Variants in CLCN6 observed in about 807,000 individuals in gnomAD.
The protein encoded by CLCN6 is Cl-/H+ antiporter 6, also known as H(+)/Cl(-) exchange transporter 6.
In CLCN6, 70 loss-of-function variants were observed where a neutral mutation model predicts 109.8. That is an observed-to-expected ratio of 0.64 (90% CI 0.53 to 0.78). CLCN6 has a LOEUF of 0.78. CLCN6 is among the 30% of genes least tolerant of loss of function. The pLI, the probability that CLCN6 is intolerant of heterozygous loss-of-function variation, is 0.00. For synonymous variants in CLCN6, 444 were observed against 447.8 expected (o/e 0.99, Z 0.11); for missense variants, 984 against 1,142.3 (o/e 0.86, Z 2.00).
At chr1:11,831,136 T>C (rs1468863375) in intron 13 of CLCN6, among the ~76,000 whole-genome samples, 5 of 150,482 alleles carry the variant, frequency 3.3e-5, no homozygotes, top group African/African-American at 1.2e-4. Context: ...CAGCCTGGTT[T>C]ATATATATAT....
intron 2 of CLCN6, among the ~76,000 whole-genome samples, chr1:11,812,247 T>A (rs1644608097): frequency 6.6e-6 from 1 of 152,146 alleles, no homozygotes; most frequent in Admixed American, 6.5e-5. Context: ...CTACTTACAT[T>A]TGCTAGTTTA....
intron 12 of CLCN6, 72 bp from the exon 13 acceptor site, chr1:11,829,124 G>C: frequency 6.3e-7 from 1 of 1,578,578 alleles, no homozygotes; most frequent in Non-Finnish European, 8.6e-7. Context: ...GGGGTAGGCA[G>C]GGTTATGTTT....
In CLCN6 at chr1:11,815,821, T is replaced by C. The variant is rs1644662268; in HGVS notation, c.148-25T>C. The C allele has an allele frequency of 1.9e-6, 3 of 1,606,066 alleles. No individual in the cohort carries two copies. The East Asian group carries it at 6.7e-5, about 36-fold the overall frequency. On this transcript the variant is annotated intron_variant, in intron 2 of 22. Coordinates refer to ENST00000346436, the MANE Select transcript of CLCN6 (RefSeq NM_001286.5). ...AGGTCTTCTCACCTGACATGACCTT[T>C]TGACTCAACTTTGCCTCTTTTCAGA...
intron 13 of CLCN6, 107 bp downstream of exon 13, chr1:11,829,429 C>A: frequency 7.6e-7 from 1 of 1,320,356 alleles, no homozygotes; most frequent in Non-Finnish European, 1.1e-6. Flanking sequence ...TTCATCCTTC[C>A]ACACCCATTA....
intron 13 of CLCN6, among the ~76,000 whole-genome samples, chr1:11,832,634 G>A (rs1281376026): frequency 6.6e-6 from 1 of 152,236 alleles, no homozygotes; most frequent in Non-Finnish European, 1.5e-5. Context: ...CCCTGGTATT[G>A]TTAGCACGTC....
At chr1:11,833,786 G>A in intron 14 of CLCN6, 91 bp from the exon 15 acceptor site, 1 of 1,559,558 alleles carries the variant, frequency 6.4e-7, no homozygotes, top group Non-Finnish European at 8.7e-7. Context: ...GTTGGAAGGG[G>A]AACTGGTATG....
At chr1:11,828,914 A>G (rs535833217) in intron 12 of CLCN6, among the ~76,000 whole-genome samples, 97 of 152,360 alleles carry the variant, frequency 6.4e-4, no homozygotes, top group African/African-American at 2.2e-3. Context: ...GCTTGCTCTC[A>G]GGAGGCTTCT....
In CLCN6 at chr1:11,815,798, G is replaced by T. The variant is rs938930803; in HGVS notation, c.148-48G>T. On this transcript the variant is annotated intron_variant, in intron 2 of 22. Coordinates refer to ENST00000346436, the MANE Select transcript of CLCN6 (RefSeq NM_001286.5). ...AACCCAGAGGTTTGTCCCTTTGCAG[G>T]TCTTCTCACCTGACATGACCTTTTG... 5 of 1,469,842 alleles carry T rather than the reference G, an allele frequency of 3.4e-6. No homozygotes were observed. The South Asian group carries it at 3.4e-5, about 10-fold the overall frequency. The allele number at this position is 1,469,842 out of a possible 1,614,324, so 91.0% of individuals were successfully genotyped here.
At chr1:11,829,447 GT>G in intron 13 of CLCN6, 125 bp downstream of exon 13, 1 of 1,131,664 alleles carries the variant, frequency 8.8e-7, no homozygotes, top group Non-Finnish European at 1.3e-6. Context: ...TTACCTGAGC[GT>G]TGAGAGATAT....
At chr1:11,816,552 G>A (rs1398741146) in intron 3 of CLCN6, 63 bp from the exon 4 acceptor site, 6 of 1,477,238 alleles carry the variant, frequency 4.1e-6, no homozygotes, top group East Asian at 2.3e-5. Context: ...TGGCCAAGAT[G>A]TATTTCTTCC....
chr1:11,830,803 C>T (rs373410245), intron 13 of CLCN6, among the ~76,000 whole-genome samples: 10 of 138,450 alleles, frequency 7.2e-5, no homozygotes, highest in Non-Finnish European at 1.5e-4. Flanking sequence ...CACACACACA[C>T]ACACACACAC....
Position 11,840,044 on chromosome 1 carries a change from C to A in CLCN6, c.2530-99C>A. The stretch of plus-strand genomic sequence containing the variant: ...GTCTGGCTGTGCACTATCCAGGCCT[C>A]CACATTCTGTGACAAACTAACAGGG... On this transcript the variant is annotated intron_variant, in intron 22 of 22. Transcript: ENST00000346436. 8 of 989,126 alleles carry A rather than the reference C, an allele frequency of 8.1e-6. No homozygotes were observed. In the South Asian group the frequency reaches 1.0e-4, roughly 13 times the overall value. 61.3% of individuals were successfully genotyped at this position (989,126 alleles called of 1,614,324 possible). A position where few individuals can be genotyped will look rare whatever the true frequency, so the allele number is the denominator to read the frequency against.
At chr1:11,832,768 T>A (rs968546046) in intron 13 of CLCN6, among the ~76,000 whole-genome samples, 1 of 152,240 alleles carries the variant, frequency 6.6e-6, no homozygotes, top group African/African-American at 2.4e-5. Flanking sequence ...TGTACCGTTG[T>A]ACACTGTCAA....
At chr1:11,833,456 C>G in intron 13 of CLCN6, 59 bp from the exon 14 acceptor site, 1 of 1,578,650 alleles carries the variant, frequency 6.3e-7, no homozygotes, top group South Asian at 1.1e-5. Flanking sequence ...TGGAGACATC[C>G]CACTTGAAGA....
chr1:11,829,629 CAACCCT>C, intron 13 of CLCN6, among the ~76,000 whole-genome samples: 1 of 143,664 alleles, frequency 7.0e-6, no homozygotes, highest in African/African-American at 2.6e-5. Context: ...AACCTGGGAA[CAACCCT>C]GGCGTCACAG....
intron 9 of CLCN6, 48 bp downstream of exon 9, chr1:11,826,262 A>C: frequency 1.4e-6 from 2 of 1,464,504 alleles, no homozygotes. Context: ...CAACATGTTC[A>C]TGCGCTGCGG....
chr1:11,813,688 G>A (rs1644632652), intron 2 of CLCN6, among the ~76,000 whole-genome samples: 1 of 152,148 alleles, frequency 6.6e-6, no homozygotes, highest in Non-Finnish European at 1.5e-5. Context: ...ATCACGCCCA[G>A]CCGATCATTT....
chr1:11,839,408 T>C (rs1230429205), intron 22 of CLCN6, among the ~76,000 whole-genome samples: 2 of 152,294 alleles, frequency 1.3e-5, no homozygotes, highest in African/African-American at 2.4e-5. Flanking sequence ...ACCACAGGCA[T>C]GCGCCACTAT....
At chr1:11,808,227 TTGTGTGTGTGTGTGTGTGTGTGTG>T (rs3073085) in intron 2 of CLCN6, among the ~76,000 whole-genome samples, 1 of 139,160 alleles carries the variant, frequency 7.2e-6, no homozygotes, top group African/African-American at 2.7e-5. Flanking sequence ...GTGTGTGTGT[TTGTGTGTGTGTGTGTGTGTGTGTG>T]TGTGTGTGTG....
Sources: gnomAD v4.1 joint callset for allele counts (sites outside exome capture counted in the v4.1 genomes callset) on GRCh38, gnomAD v4.1.1 for gene constraint, MANE v1.5 for transcripts, NCBI Gene and HGNC (gene_info 2026-07-23, HGNC 2026-07-21) for gene names.